The following DCLK2 variants were observed in gnomAD, a reference collection of about 807,000 sequenced individuals.
DCLK2 encodes the protein doublecortin like kinase 2.
In DCLK2, 31 loss-of-function variants were observed where a neutral mutation model predicts 78.4. The observed-to-expected ratio is 0.40, with a 90% CI of 0.30 to 0.53. The LOEUF (loss-of-function observed/expected upper bound fraction) is 0.53, where lower values mean the gene tolerates loss of function less well. DCLK2 is among the 20% of genes least tolerant of loss of function. DCLK2 has a pLI of 0.61. For synonymous variants in DCLK2, 407 were observed against 374.9 expected (o/e 1.09, Z -0.99); for missense variants, 872 against 973.7 (o/e 0.90, Z 1.39).
intron 1 of DCLK2, among the ~76,000 whole-genome samples, chr4:150,087,713 T>A (rs1729743378): frequency 6.6e-6 from 1 of 152,212 alleles, no homozygotes. Context: ...CTTCTTGGCC[T>A]CTGTGAGCAA....
chr4:150,217,679 G>C (rs1396322928), intron 5 of DCLK2, among the ~76,000 whole-genome samples: 1 of 152,182 alleles, frequency 6.6e-6, no homozygotes, highest in Non-Finnish European at 1.5e-5. Flanking sequence ...TTACTGAGGA[G>C]TGAAGAGGGA....
intron 12 of DCLK2, among the ~76,000 whole-genome samples, chr4:150,240,749 TA>T (rs372514541): frequency 0.22 from 13,290 of 59,892 alleles, 833 homozygotes; most frequent in South Asian, 0.39. Context: ...TAAAATATAA[TA>T]AAAAAAAAAA....
chr4:150,100,547 C>T (rs1730815886), intron 1 of DCLK2, among the ~76,000 whole-genome samples: 1 of 152,040 alleles, frequency 6.6e-6, no homozygotes, highest in Non-Finnish European at 1.5e-5. Context: ...AAAAAATTAC[C>T]TTCTTTTGCT....
rs926474707 is a variant in DCLK2, at chr4:150,102,659, G to A, written c.603G>A (p.Val201=). The change falls in exon 2 of 16, where the codon GTG becomes GTA. Residue 201 remains valine (V), a synonymous_variant. Transcript: ENST00000296550. The stretch of plus-strand genomic sequence containing the variant: ...TCATCAAACCCAAGTTAGTGACTGT[G>A]ATTCGAAGTGGAGTGAAGCCTAGAA... ...KDFIKPKLVT[V]IRSGVKPRKA... 3 of 1,614,158 alleles carry A rather than the reference G, an allele frequency of 1.9e-6. No homozygotes were observed. Among genetic ancestry groups the A allele is most frequent in the Non-Finnish European group, 2.5e-6 (3 of 1,180,016 alleles).
intron 2 of DCLK2, among the ~76,000 whole-genome samples, chr4:150,129,750 A>G (rs1461186129): frequency 6.6e-6 from 1 of 151,542 alleles, no homozygotes; most frequent in East Asian, 1.9e-4. Flanking sequence ...AATTACTATA[A>G]TTTAATTTAA....
intron 1 of DCLK2, among the ~76,000 whole-genome samples, chr4:150,092,031 T>C (rs1730117915): frequency 6.6e-6 from 1 of 152,160 alleles, no homozygotes; most frequent in Admixed American, 6.6e-5. Context: ...TTTGACTTTT[T>C]ACATAACCTA....
At chr4:150,114,289 T>C (rs761728977) in intron 2 of DCLK2, among the ~76,000 whole-genome samples, 3 of 152,192 alleles carry the variant, frequency 2.0e-5, no homozygotes, top group Non-Finnish European at 2.9e-5. Context: ...TTAAATCCAG[T>C]GTCTCCTTGT....
intron 2 of DCLK2, among the ~76,000 whole-genome samples, chr4:150,186,922 G>GTGTGTGTA (rs1485102796): frequency 1.3e-5 from 2 of 151,690 alleles, no homozygotes; most frequent in Non-Finnish European, 2.9e-5. Flanking sequence ...GTGTGTGTGT[G>GTGTGTGTA]TGTGTGTAGT....
chr4:150,079,239 C>T lies in DCLK2; in HGVS notation c.212C>T (p.Ala71Val). ...CAGGCCCTCAGCTCGGAGAAGAAGG[C>T]CAAGAAGGCGCGCTTCTACCGGAAC... ...TLQALSSEKK[A>V]KKARFYRNGD... Residue 71 changes from alanine to valine, a missense_variant, in exon 1 of 16, where the codon GCC becomes GTC. Around this residue, in one of 3 missense-constraint regions of DCLK2, gnomAD observed 567 missense variants for 593.4 expected, o/e 0.96. Coordinates refer to ENST00000296550, the MANE Select transcript of DCLK2 (RefSeq NM_001040260.4). 6.2e-7 allele frequency: 1 copy of T among 1,609,514 alleles called. No homozygotes were observed. The highest frequency in any genetic ancestry group is 8.5e-7 in the Non-Finnish European group (1 of 1,178,130).
At chr4:150,173,895 T>G (rs1736737550) in intron 2 of DCLK2, among the ~76,000 whole-genome samples, 1 of 152,176 alleles carries the variant, frequency 6.6e-6, no homozygotes, top group Admixed American at 6.5e-5. Context: ...ATTCAAATTA[T>G]TTATTTGACA....
intron 4 of DCLK2, among the ~76,000 whole-genome samples, chr4:150,202,614 A>T (rs1739539007): frequency 6.6e-6 from 1 of 152,228 alleles, no homozygotes; most frequent in East Asian, 1.9e-4. Context: ...TTACCTGTGC[A>T]TTTGGTTTTT....
chr4:150,091,740 T>G (rs973483941), intron 1 of DCLK2, among the ~76,000 whole-genome samples: 2 of 151,336 alleles, frequency 1.3e-5, no homozygotes, highest in Non-Finnish European at 2.9e-5. Flanking sequence ...TAAGATTCCA[T>G]GTAGTTCTTT....
chr4:150,166,123 A>G (rs1378092017), intron 2 of DCLK2, among the ~76,000 whole-genome samples: 1 of 152,238 alleles, frequency 6.6e-6, no homozygotes, highest in Non-Finnish European at 1.5e-5. Context: ...AGAAGACACC[A>G]GGTGTCCGAG....
intron 2 of DCLK2, among the ~76,000 whole-genome samples, chr4:150,178,664 AC>A (rs1737264998): frequency 6.6e-6 from 1 of 152,218 alleles, no homozygotes; most frequent in African/African-American, 2.4e-5. Flanking sequence ...GAACTGCCCC[AC>A]TGATTTTGGA....
chr4:150,171,475 C>T (rs559611896), intron 2 of DCLK2, among the ~76,000 whole-genome samples: 6 of 151,760 alleles, frequency 4.0e-5, no homozygotes, highest in Non-Finnish European at 5.9e-5. Flanking sequence ...AGCGAGACTC[C>T]GTCTCAAAAA....
At chr4:150,250,539 G>A (rs1443641848) in intron 15 of DCLK2, among the ~76,000 whole-genome samples, 1 of 151,838 alleles carries the variant, frequency 6.6e-6, no homozygotes, top group Non-Finnish European at 1.5e-5. Flanking sequence ...CAGGGGTGGA[G>A]TGGCCTTTCC....
rs575938130 is a variant in DCLK2 at position 150,111,671 on chromosome 4, G to T, written c.756+8859G>T. The stretch of plus-strand genomic sequence containing the variant: ...GATTTTTGTATATGGTAAGGGGTAG[G>T]GAATCCAGTTTCATTCTTCTACATG... On this transcript the variant is annotated intron_variant, in intron 2 of 15. Transcript: ENST00000296550. Among the ~76,000 whole-genome samples, 4 of 152,152 alleles carry T rather than the reference G, an allele frequency of 2.6e-5. No individual in the cohort carries two copies. The South Asian group carries it at 8.3e-4, about 32-fold the overall frequency.
intron 5 of DCLK2, among the ~76,000 whole-genome samples, chr4:150,204,360 A>G (rs1031132253): frequency 6.6e-6 from 1 of 152,200 alleles, no homozygotes; most frequent in Non-Finnish European, 1.5e-5. Flanking sequence ...CAAGGAAAAT[A>G]TGGTCATCTT....
At chr4:150,095,067 G>A (rs1233564674) in intron 1 of DCLK2, among the ~76,000 whole-genome samples, 1 of 152,194 alleles carries the variant, frequency 6.6e-6, no homozygotes, top group Non-Finnish European at 1.5e-5. Context: ...TATATTGTAA[G>A]CTCAGTACAA....
Sources: allele counts gnomAD v4.1 joint callset (sites outside exome capture counted in the v4.1 genomes callset), GRCh38; gene constraint gnomAD v4.1.1; regional missense constraint gnomAD v4.1.1; transcripts MANE v1.5; gene names NCBI Gene and HGNC (gene_info 2026-07-23, HGNC 2026-07-21).